Variants in MTHFD1 observed in about 807,000 individuals in gnomAD.
MTHFD1 encodes the protein C-1-tetrahydrofolate synthase, cytoplasmic.
MTHFD1 carries 44 observed loss-of-function variants against 110.3 expected under a neutral mutation model. The observed-to-expected ratio is 0.40, with a 90% CI of 0.31 to 0.51. The LOEUF (loss-of-function observed/expected upper bound fraction) is 0.51, where lower values mean the gene tolerates loss of function less well. MTHFD1 is among the 20% of genes least tolerant of loss of function. The probability of loss-of-function intolerance (pLI) is 0.60; values close to 1 mark genes in which losing one functional copy is unlikely to be tolerated. For missense variants in MTHFD1, 909 were observed against 1,173.1 expected (o/e 0.77, Z 3.29); for synonymous variants, 402 against 428.8 (o/e 0.94, Z 0.77).
chr14:64,440,038 C>T (rs905971472), intron 17 of MTHFD1, 88 bp from the exon 18 acceptor site: 1 of 1,223,138 alleles, frequency 8.2e-7, no homozygotes, highest in African/African-American at 1.5e-5. Flanking sequence ...TTTGTTTAAG[C>T]CTCAGATGTA....
At chr14:64,415,039 T>C (rs1369395879) in intron 4 of MTHFD1, among the ~76,000 whole-genome samples, 1 of 152,096 alleles carries the variant, frequency 6.6e-6, no homozygotes, top group Non-Finnish European at 1.5e-5. Context: ...TTCACTGTGT[T>C]GTCCAGGCTG....
At chr14:64,433,366 G>A (rs1453040480) in intron 15 of MTHFD1, among the ~76,000 whole-genome samples, 1 of 151,890 alleles carries the variant, frequency 6.6e-6, no homozygotes, top group African/African-American at 2.4e-5. Context: ...TGACCCACCC[G>A]CCTTGGCCTC....
At chr14:64,445,815 A>G (rs1454487577) in intron 22 of MTHFD1, among the ~76,000 whole-genome samples, 2 of 152,176 alleles carry the variant, frequency 1.3e-5, no homozygotes, top group African/African-American at 2.4e-5. Context: ...AAGAAATTCT[A>G]CTTATTTAAA....
At chr14:64,440,901 G>C in intron 18 of MTHFD1, 2 of 253,268 alleles carry the variant, frequency 7.9e-6, no homozygotes, top group South Asian at 9.9e-5. Flanking sequence ...TATTCTATCT[G>C]GCAACTTTGG....
At chr14:64,434,035 A>T (rs1405959052) in intron 15 of MTHFD1, among the ~76,000 whole-genome samples, 1 of 152,032 alleles carries the variant, frequency 6.6e-6, no homozygotes, top group Non-Finnish European at 1.5e-5. Context: ...CTCAAAAAAA[A>T]TTGGGTTTGT....
chr14:64,449,998 G>A (rs1362173936), intron 24 of MTHFD1, among the ~76,000 whole-genome samples: 1 of 152,130 alleles, frequency 6.6e-6, no homozygotes, highest in Non-Finnish European at 1.5e-5. Context: ...CACCATCTTG[G>A]CCAGGCTGGT....
At chr14:64,431,988 A>C (rs1447551259) in intron 15 of MTHFD1, 127 bp downstream of exon 15, 1 of 789,226 alleles carries the variant, frequency 1.3e-6, no homozygotes, top group African/African-American at 1.7e-5. Flanking sequence ...CATAGTCTTA[A>C]AGTCATGATA....
intron 1 of MTHFD1, among the ~76,000 whole-genome samples, chr14:64,390,670 CAG>C (rs1174987536): frequency 1.3e-5 from 2 of 151,458 alleles, no homozygotes; most frequent in African/African-American, 4.9e-5. Flanking sequence ...TTGTTTGAGA[CAG>C]AGTTTCACTC....
intron 24 of MTHFD1, among the ~76,000 whole-genome samples, chr14:64,452,386 A>G (rs2078386955): frequency 6.6e-6 from 1 of 152,176 alleles, no homozygotes; most frequent in Non-Finnish European, 1.5e-5. Flanking sequence ...TGCTCATCCA[A>G]ATTACCCATG....
chr14:64,431,189 C>T (rs1318864255), intron 13 of MTHFD1, among the ~76,000 whole-genome samples: 1 of 151,580 alleles, frequency 6.6e-6, no homozygotes, highest in Non-Finnish European at 1.5e-5. Flanking sequence ...CCTCAGCCTT[C>T]CAAGTAGCTG....
chr14:64,450,201 C>G (rs2078348217), intron 24 of MTHFD1, among the ~76,000 whole-genome samples: 1 of 152,190 alleles, frequency 6.6e-6, no homozygotes, highest in African/African-American at 2.4e-5. Context: ...CGAAAAGGGT[C>G]AAAGTACAGG....
intron 26 of MTHFD1, chr14:64,455,168 T>C (rs1392256217): frequency 2.9e-5 from 12 of 414,728 alleles, no homozygotes; most frequent in East Asian, 2.2e-4. Context: ...ATGAGCCCAG[T>C]TGATAGGCTG....
At chr14:64,394,947 AGAGC>A (rs2077835334) in intron 1 of MTHFD1, among the ~76,000 whole-genome samples, 1 of 152,116 alleles carries the variant, frequency 6.6e-6, no homozygotes, top group Non-Finnish European at 1.5e-5. Context: ...CAAGGGACCT[AGAGC>A]TGTTCATTGG....
chr14:64,434,949 C>CTTTT (rs374039248), intron 15 of MTHFD1, among the ~76,000 whole-genome samples: 23 of 80,860 alleles, frequency 2.8e-4, no homozygotes, highest in Non-Finnish European at 3.1e-4. Context: ...TCCCTCTTTT[C>CTTTT]TTTTTTTTTT....
chr14:64,394,802 T>G (rs928814879), intron 1 of MTHFD1, among the ~76,000 whole-genome samples: 1 of 152,182 alleles, frequency 6.6e-6, no homozygotes, highest in African/African-American at 2.4e-5. Context: ...TTGTTCAGTC[T>G]TTTTGAAAAG....
chr14:64,425,060 A>C, intron 9 of MTHFD1, 129 bp downstream of exon 9: 1 of 1,149,998 alleles, frequency 8.7e-7, no homozygotes, highest in Non-Finnish European at 1.3e-6. Flanking sequence ...GAAAAAGGGA[A>C]GGGAAGAATA....
At chr14:64,401,279 C>T (rs1489064868) in intron 2 of MTHFD1, among the ~76,000 whole-genome samples, 1 of 152,232 alleles carries the variant, frequency 6.6e-6, no homozygotes, top group East Asian at 1.9e-4. Context: ...CCTCCTGCCT[C>T]TGCCTGCCAA....
rs182594848 is a variant in MTHFD1, at chr14:64,403,011, G to T, written c.126+2134G>T. On this transcript the variant is annotated intron_variant, in intron 2 of 27. Transcript: ENST00000652337. ...TGGGACAGAGTTTTACTGTTACTCA[G>T]TGCAGTGGCACAATCTTGGTTCACT... Among the ~76,000 whole-genome samples the T allele has an allele frequency of 5.9e-5, 9 of 152,174 alleles. No homozygotes were observed. The Middle Eastern group carries it at 0.014, about 230-fold the overall frequency.
At chr14:64,425,898 C>A (rs1596544379) in intron 10 of MTHFD1, 71 bp downstream of exon 10, 1 of 1,566,232 alleles carries the variant, frequency 6.4e-7, no homozygotes, top group Admixed American at 1.7e-5. Context: ...ACTGTGGGTT[C>A]ACATATGCTC....
Sources: gnomAD v4.1 joint callset for allele counts (sites outside exome capture counted in the v4.1 genomes callset) on GRCh38, gnomAD v4.1.1 for gene constraint, MANE v1.5 for transcripts, NCBI Gene and HGNC (gene_info 2026-07-23, HGNC 2026-07-21) for gene names.